DYNAP: variants seen among roughly 807,000 people sequenced by gnomAD.
DYNAP encodes the protein dynactin associated protein.
A neutral mutation model predicts 8.5 loss-of-function variants in DYNAP; 7 were observed. The observed-to-expected ratio is 0.82, with a 90% confidence interval of 0.47 to 1.54. DYNAP has a LOEUF of 1.54. Ranked by LOEUF, DYNAP falls within the 40% of genes most tolerant of loss-of-function variation. The probability of loss-of-function intolerance (pLI) is 0.01; values close to 1 mark genes in which losing one functional copy is unlikely to be tolerated. For missense variants in DYNAP, 256 were observed against 224.3 expected, an observed-to-expected ratio of 1.14 and a Z score of -0.90; for synonymous variants, 77 against 77.9, an observed-to-expected ratio of 0.99 and a Z score of 0.06.
At position 54,597,887 on chromosome 18, in the gene DYNAP, G is replaced by A. The variant is rs1169795236; in HGVS notation, c.297G>A (p.Met99Ile). The A allele has an allele frequency of 6.2e-7, 1 of 1,613,580 alleles. No homozygotes were observed. Among genetic ancestry groups the A allele is most frequent in the Non-Finnish European group, 8.5e-7 (1 of 1,179,714 alleles). ...CTTGTCTCTTAGCCTGTGTGATAAT[G>A]ACAGCAATTGGAGTACTTATAATAT... Reference protein sequence around the residue: ...FLACLLACVIMTAIGVLIICL... With the variant: ...FLACLLACVIITAIGVLIICL... Residue 99 changes from methionine to isoleucine, a missense_variant, in exon 3 of 3, where the codon ATG (methionine) becomes ATA (isoleucine). Coordinates refer to ENST00000648945, the MANE Select transcript of DYNAP (RefSeq NM_173629.3).
At chr18:54,596,092 G>A (rs1382362957) in intron 2 of DYNAP, among the ~76,000 whole-genome samples, 1 of 150,386 alleles carries the variant, frequency 6.6e-6, no homozygotes, top group African/African-American at 2.4e-5. Flanking sequence ...GTTTTTTTGA[G>A]GCAGGTTCTC....
At chr18:54,595,764 A>G (rs1220944029) in intron 2 of DYNAP, among the ~76,000 whole-genome samples, 1 of 152,040 alleles carries the variant, frequency 6.6e-6, no homozygotes, top group Non-Finnish European at 1.5e-5. Context: ...TTTAACATTG[A>G]CTATAAATTA....
upstream of DYNAP, among the ~76,000 whole-genome samples, chr18:54,582,849 A>T (rs1910764480): frequency 6.6e-6 from 1 of 152,062 alleles, no homozygotes; most frequent in Admixed American, 6.6e-5. Context: ...TTCATTATTC[A>T]TGTTTTCCAG....
the DYNAP span, among the ~76,000 whole-genome samples, chr18:54,578,940 C>T: frequency 6.6e-6 from 1 of 152,070 alleles, no homozygotes; most frequent in African/African-American, 2.4e-5. Flanking sequence ...GCTGGGACTA[C>T]AGGTGCCCAC....
chr18:54,584,283 T>A (rs1910806831), upstream of DYNAP, among the ~76,000 whole-genome samples: 1 of 148,030 alleles, frequency 6.8e-6, no homozygotes, highest in Non-Finnish European at 1.5e-5. Flanking sequence ...ATATTTATAT[T>A]AATTAATAAT....
At chr18:54,577,431 A>T in the DYNAP span, among the ~76,000 whole-genome samples, 1 of 151,968 alleles carries the variant, frequency 6.6e-6, no homozygotes, top group Non-Finnish European at 1.5e-5. Context: ...TAAAAAAAAA[A>T]TTAGCAGGGC....
upstream of DYNAP, among the ~76,000 whole-genome samples, chr18:54,585,042 C>T (rs1287972763): frequency 1.3e-5 from 2 of 151,954 alleles, no homozygotes; most frequent in Non-Finnish European, 2.9e-5. Flanking sequence ...TTCTGGCTAC[C>T]TTGAGAGGAA....
chr18:54,580,957 G>C, the DYNAP span, among the ~76,000 whole-genome samples: 1 of 152,064 alleles, frequency 6.6e-6, no homozygotes, highest in Non-Finnish European at 1.5e-5. Context: ...CAAGTAATTT[G>C]ATAAAACCTC....
intron 2 of DYNAP, among the ~76,000 whole-genome samples, chr18:54,596,320 G>A (rs987445551): frequency 2.0e-5 from 3 of 151,930 alleles, no homozygotes; most frequent in Admixed American, 6.6e-5. Context: ...GGATCCACCC[G>A]CTTCAGCCTC....
chr18:54,581,649 T>G, the DYNAP span, among the ~76,000 whole-genome samples: 1 of 152,188 alleles, frequency 6.6e-6, no homozygotes, highest in Non-Finnish European at 1.5e-5. Flanking sequence ...AAAAATCAAT[T>G]TTTTAAGATA....
upstream of DYNAP, among the ~76,000 whole-genome samples, chr18:54,587,046 G>C (rs1041194508): frequency 6.6e-6 from 1 of 152,040 alleles, no homozygotes; most frequent in African/African-American, 2.4e-5. Flanking sequence ...AATATGTTTT[G>C]ATGGTCCCTG....
At chr18:54,586,654 A>G (rs1910891880), upstream of DYNAP, among the ~76,000 whole-genome samples, 1 of 152,146 alleles carries the variant, frequency 6.6e-6, no homozygotes, top group South Asian at 2.1e-4. Flanking sequence ...TGTGGTACAC[A>G]CTAGACACTA....
chr18:54,592,156 T>C (rs754528728), intron 1 of DYNAP, among the ~76,000 whole-genome samples: 3 of 152,118 alleles, frequency 2.0e-5, no homozygotes, highest in Non-Finnish European at 4.4e-5. Context: ...CTATAGAGGA[T>C]TTCTGGTTCA....
At chr18:54,576,252 A>G in the DYNAP span, among the ~76,000 whole-genome samples, 1 of 152,088 alleles carries the variant, frequency 6.6e-6, no homozygotes, top group African/African-American at 2.4e-5. Context: ...TCTCTTGGGG[A>G]TATATCTAGG....
At position 54,597,924 on chromosome 18, in the gene DYNAP, A is replaced by C; in HGVS notation, c.334A>C (p.Asn112His). The C allele has an allele frequency of 6.2e-7, 1 of 1,613,674 alleles. No homozygotes were observed. Residue 112 changes from asparagine (N) to histidine (H), a missense_variant, in exon 3 of 3, where the codon AAC becomes CAC. Coordinates refer to ENST00000648945, the MANE Select transcript of DYNAP (RefSeq NM_173629.3). ...AGTACTTATAATATGCTTGGTGAAT[A>C]ACAAAGGATCGGCCAATTCCTCCAT... ...IGVLIICLVN[N>H]KGSANSSIVI...
intron 2 of DYNAP, 62 bp from the exon 3 acceptor site, chr18:54,597,751 A>G: frequency 6.7e-7 from 1 of 1,501,562 alleles, no homozygotes; most frequent in Non-Finnish European, 9.0e-7. Flanking sequence ...GTAATATAAA[A>G]GAGATGATAA....
upstream of DYNAP, among the ~76,000 whole-genome samples, chr18:54,586,877 T>C (rs1164157466): frequency 1.3e-5 from 2 of 152,214 alleles, no homozygotes; most frequent in African/African-American, 4.8e-5. Context: ...AGTAATACTA[T>C]GGTAAAATCA....
At chr18:54,578,061 A>G in the DYNAP span, among the ~76,000 whole-genome samples, 2 of 152,106 alleles carry the variant, frequency 1.3e-5, no homozygotes, top group African/African-American at 2.4e-5. Context: ...AGACTGAGTC[A>G]AGGCAAGCTG....
chr18:54,587,345 A>G (rs1470783), upstream of DYNAP, among the ~76,000 whole-genome samples: 71,924 of 151,876 alleles, frequency 0.47, 18,103 homozygotes, highest in East Asian at 0.69. Context: ...TGAGCCCAGG[A>G]GTTCATGTCC....
Sources: allele counts gnomAD v4.1 joint callset (sites outside exome capture counted in the v4.1 genomes callset), GRCh38; gene constraint gnomAD v4.1.1; transcripts MANE v1.5; gene names NCBI Gene and HGNC (gene_info 2026-07-23, HGNC 2026-07-21).